Variants in ILRUN observed in about 807,000 individuals in gnomAD.
The protein encoded by ILRUN is protein ILRUN.
A neutral mutation model predicts 33.8 loss-of-function variants in ILRUN; 3 were observed. The ratio of observed to expected loss-of-function variants is 0.09; its 90% CI spans 0.04 to 0.23. ILRUN has a LOEUF of 0.23. Among genes scored for constraint, ILRUN ranks in the 10% least tolerant of loss-of-function variants. The pLI is 1.00. For synonymous variants in ILRUN, 124 were observed against 138.9 expected (o/e 0.89, Z 0.75); for missense variants, 210 against 375.1 (o/e 0.56, Z 3.64).
At chr6:34,626,690 A>T (rs1420372101) in intron 3 of ILRUN, among the ~76,000 whole-genome samples, 1 of 152,184 alleles carries the variant, frequency 6.6e-6, no homozygotes, top group African/African-American at 2.4e-5. Context: ...GGACAAATGT[A>T]CAATGACATG....
chr6:34,643,627 G>A (rs952778536), intron 3 of ILRUN, among the ~76,000 whole-genome samples: 5 of 152,238 alleles, frequency 3.3e-5, no homozygotes, highest in East Asian at 1.9e-4. Context: ...GGACTAAATG[G>A]CTGTTATCAT....
intron 1 of ILRUN, among the ~76,000 whole-genome samples, chr6:34,655,352 TAC>T (rs1285605622): frequency 2.6e-5 from 4 of 152,188 alleles, no homozygotes; most frequent in East Asian, 3.8e-4. Context: ...TTCCTCAACA[TAC>T]ACACACAGAT....
At chr6:34,622,775 G>A (rs1486792554) in intron 3 of ILRUN, among the ~76,000 whole-genome samples, 1 of 152,158 alleles carries the variant, frequency 6.6e-6, no homozygotes. Context: ...TGAAAACAGG[G>A]TCTCAAAGAG....
At chr6:34,602,211 T>A in intron 4 of ILRUN, among the ~76,000 whole-genome samples, 1 of 152,018 alleles carries the variant, frequency 6.6e-6, no homozygotes, top group East Asian at 1.9e-4. Context: ...CCAGTGTAAA[T>A]CATTACTCCT....
chr6:34,602,650 T>A (rs1439674513), intron 4 of ILRUN, among the ~76,000 whole-genome samples: 1 of 152,206 alleles, frequency 6.6e-6, no homozygotes, highest in Non-Finnish European at 1.5e-5. Flanking sequence ...CAGTACTTGA[T>A]CTCACTGTTC....
chr6:34,667,550 A>C (rs1274998773), intron 1 of ILRUN, among the ~76,000 whole-genome samples: 1 of 152,200 alleles, frequency 6.6e-6, no homozygotes, highest in African/African-American at 2.4e-5. Context: ...AAAACAGGGT[A>C]GTCCCAGTCT....
chr6:34,667,893 G>A (rs1439312026), intron 1 of ILRUN, among the ~76,000 whole-genome samples: 1 of 152,084 alleles, frequency 6.6e-6, no homozygotes, highest in Non-Finnish European at 1.5e-5. Context: ...TAAGATCCCT[G>A]AGAAGATCCT....
At chr6:34,645,727 T>C (rs1238222392) in intron 3 of ILRUN, among the ~76,000 whole-genome samples, 3 of 152,120 alleles carry the variant, frequency 2.0e-5, no homozygotes, top group East Asian at 1.9e-4. Context: ...AGTTAAAACA[T>C]GGGTGTGGGG....
chr6:34,594,904 G>A (rs1192780982), intron 4 of ILRUN, among the ~76,000 whole-genome samples: 1 of 152,190 alleles, frequency 6.6e-6, no homozygotes, highest in Non-Finnish European at 1.5e-5. Context: ...GTTGGGTGTG[G>A]TAAGGGAGGG....
At chr6:34,631,863 G>A (rs1762252991) in intron 3 of ILRUN, among the ~76,000 whole-genome samples, 1 of 151,870 alleles carries the variant, frequency 6.6e-6, no homozygotes, top group South Asian at 2.1e-4. Context: ...ACACTAAACT[G>A]CATGCTTTAA....
rs1315123027 is a variant in ILRUN at position 34,588,072 on chromosome 6, C to T, written c.*2493G>A. On this transcript the variant is annotated 3_prime_UTR_variant, in exon 5 of 5. Coordinates refer to ENST00000374023, the MANE Select transcript of ILRUN (RefSeq NM_024294.4). ...CCTAGGCATTGCTCTGAACCCATAC[C>T]AGTGAGGGGAGAGAGAATGAATGAT... 13 of 398,566 alleles carry T rather than the reference C, an allele frequency of 3.3e-5. No individual in the cohort carries two copies. The highest frequency in any genetic ancestry group is 8.8e-5 in the Admixed American group (2 of 22,708). The allele number at this position is 398,566 out of a possible 1,614,324, so 24.7% of individuals were successfully genotyped here. A position where few individuals can be genotyped will look rare whatever the true frequency, so the allele number is the denominator to read the frequency against.
intron 3 of ILRUN, among the ~76,000 whole-genome samples, chr6:34,635,257 C>G (rs1762334112): frequency 6.6e-6 from 1 of 152,122 alleles, no homozygotes; most frequent in Non-Finnish European, 1.5e-5. Context: ...TGGCTGGGCA[C>G]AGTGGCTCAC....
chr6:34,609,842 T>C (rs941457242), intron 3 of ILRUN, among the ~76,000 whole-genome samples: 1 of 152,144 alleles, frequency 6.6e-6, no homozygotes, highest in Non-Finnish European at 1.5e-5. Flanking sequence ...GGAATGTACA[T>C]TCATTCCAGA....
chr6:34,683,488 A>ACATATATATG (rs1562033160), intron 1 of ILRUN, among the ~76,000 whole-genome samples: 1 of 91,928 alleles, frequency 1.1e-5, no homozygotes, highest in African/African-American at 6.5e-5. Flanking sequence ...ATATATATAC[A>ACATATATATG]TATATATATA....
chr6:34,675,065 G>A (rs983829915), intron 1 of ILRUN, among the ~76,000 whole-genome samples: 8 of 152,198 alleles, frequency 5.3e-5, no homozygotes, highest in Non-Finnish European at 8.8e-5. Flanking sequence ...CTAATCACCT[G>A]AGGTTAAGAG....
At chr6:34,637,248 T>C (rs773634874) in intron 3 of ILRUN, among the ~76,000 whole-genome samples, 64 of 152,184 alleles carry the variant, frequency 4.2e-4, no homozygotes, top group African/African-American at 7.7e-4. Flanking sequence ...AATGCATATA[T>C]ACAAAAAAGT....
chr6:34,677,829 AT>A (rs1216875373), intron 1 of ILRUN, among the ~76,000 whole-genome samples: 3 of 151,388 alleles, frequency 2.0e-5, no homozygotes, highest in African/African-American at 7.3e-5. Flanking sequence ...CGTGCCTTTA[AT>A]CCCAGCTACT....
At chr6:34,686,454 C>G (rs1159953573) in intron 1 of ILRUN, 2 of 150,376 alleles carry the variant, frequency 1.3e-5, no homozygotes, top group East Asian at 2.0e-4. Context: ...GAGCCGAGAT[C>G]GCGCCACCGC....
At chr6:34,636,084 C>T (rs904665047) in intron 3 of ILRUN, among the ~76,000 whole-genome samples, 1 of 151,868 alleles carries the variant, frequency 6.6e-6, no homozygotes, top group Admixed American at 6.6e-5. Flanking sequence ...CAGTGAGACC[C>T]CAGCTCCACA....
Sources: gnomAD v4.1 joint callset for allele counts (sites outside exome capture counted in the v4.1 genomes callset) on GRCh38, gnomAD v4.1.1 for gene constraint, MANE v1.5 for transcripts, NCBI Gene and HGNC (gene_info 2026-07-23, HGNC 2026-07-21) for gene names.